ZNF577: variants seen among roughly 807,000 people sequenced by gnomAD.
The protein encoded by ZNF577 is zinc finger protein 577.
In ZNF577, 14 loss-of-function variants were observed where a neutral mutation model predicts 13.9. The ratio of observed to expected loss-of-function variants is 1.00; its 90% CI spans 0.66 to 1.57. The LOEUF is 1.57. Among genes scored for constraint, ZNF577 ranks in the 40% most tolerant of loss-of-function variants. The probability of loss-of-function intolerance (pLI) is 0.00; values close to 1 mark genes in which losing one functional copy is unlikely to be tolerated. For synonymous variants in ZNF577, 203 were observed against 202.9 expected (o/e 1.00, Z 0.00); for missense variants, 555 against 579.2 (o/e 0.96, Z 0.43).
At chr19:51,846,778 C>T (rs2084354992) in intron 5 of ZNF577, among the ~76,000 whole-genome samples, 1 of 152,028 alleles carries the variant, frequency 6.6e-6, no homozygotes, top group African/African-American at 2.4e-5. Context: ...CATCTGCAAA[C>T]CAGAAAAAGA....
intron 5 of ZNF577, among the ~76,000 whole-genome samples, chr19:51,852,028 G>A (rs1430840776): frequency 2.0e-5 from 3 of 152,172 alleles, no homozygotes; most frequent in African/African-American, 7.2e-5. Context: ...CTTCTACAGT[G>A]ACCTGCTGCC....
intron 9 of ZNF577, among the ~76,000 whole-genome samples, chr19:51,813,917 G>A (rs987153142): frequency 5.9e-5 from 9 of 152,102 alleles, no homozygotes; most frequent in Non-Finnish European, 1.2e-4. Context: ...GGCTCTGGAG[G>A]GCCCGTTGAT....
At chr19:51,852,265 T>G (rs1007698519) in intron 5 of ZNF577, among the ~76,000 whole-genome samples, 2 of 152,174 alleles carry the variant, frequency 1.3e-5, no homozygotes, top group African/African-American at 4.8e-5. Flanking sequence ...TGCTGGCCAT[T>G]CTTTTGGGCT....
rs186138649 is a variant in ZNF577 at position 51,869,493 on chromosome 19, C to G, written c.*3039G>C. ...TATAGTCCTGCCACATCCCCCTCTC[C>G]GAGATGGTAGAGATAGTGATCAACA... On this transcript the variant is annotated 3_prime_UTR_variant, in exon 6 of 6. Coordinates refer to ENST00000638348, the MANE Select transcript of ZNF577 (RefSeq NM_001370449.1). Among the ~76,000 whole-genome samples, 2 of 152,138 alleles carry G rather than the reference C, an allele frequency of 1.3e-5. No individual in the cohort carries two copies. Among genetic ancestry groups the G allele is most frequent in the Admixed American group, 6.5e-5 (1 of 15,270 alleles).
intron 9 of ZNF577, among the ~76,000 whole-genome samples, chr19:51,826,863 G>A: frequency 6.6e-6 from 1 of 152,150 alleles, no homozygotes; most frequent in Non-Finnish European, 1.5e-5. Flanking sequence ...CTTGGAGTGA[G>A]GGGGTCACAG....
intron 9 of ZNF577, among the ~76,000 whole-genome samples, chr19:51,839,450 A>G (rs10405314): frequency 0.39 from 59,002 of 151,932 alleles, 11,683 homozygotes; most frequent in South Asian, 0.48. Flanking sequence ...CCATACACAT[A>G]TACCAAGTAT....
chr19:51,824,713 A>C lies in ZNF577; in HGVS notation c.*600-13039T>G. 2 of 1,614,098 alleles carry C rather than the reference A, an allele frequency of 1.2e-6. No individual in the cohort carries two copies. The highest frequency in any genetic ancestry group is 1.7e-6 in the Non-Finnish European group (2 of 1,179,994). On this transcript the variant is annotated intron_variant and NMD_transcript_variant, in intron 9 of 10. Transcript: ENST00000638827. This position sits in a 1 kb window ranked among gnomAD's most constrained non-coding sequence, Gnocchi z 4.7. The stretch of plus-strand genomic sequence containing the variant: ...ATTCGCTCTTTGCCCACTAGTTTGG[A>C]GAGGGCCCTGACTGAGGTCCCTGAC...
At position 51,807,218 on chromosome 19, in the gene ZNF577, G is replaced by T. The variant is rs186830310; in HGVS notation, c.*818-1964C>A. Among the ~76,000 whole-genome samples, 10 of 64,578 alleles carry T rather than the reference G, an allele frequency of 1.5e-4. No individual in the cohort carries two copies. The East Asian group carries it at 1.7e-3, about 11-fold the overall frequency. The allele number at this position is 64,578 out of a possible 152,430, so 42.4% of individuals were successfully genotyped here. A position where few individuals can be genotyped will look rare whatever the true frequency, so the allele number is the denominator to read the frequency against. Reference sequence around the variant, plus strand: ...CAGGCAAAAGAGATAGCAGGAAGTGGGGGGGGTGGTTGCTGGCTAGCAGCC... The same window carrying T: ...CAGGCAAAAGAGATAGCAGGAAGTGTGGGGGGTGGTTGCTGGCTAGCAGCC... On this transcript the variant is annotated intron_variant and NMD_transcript_variant, in intron 10 of 10. Transcript: ENST00000638827.
At chr19:51,880,558 T>C in intron 2 of ZNF577, 121 bp downstream of exon 2, 1 of 652,860 alleles carries the variant, frequency 1.5e-6, no homozygotes, top group Non-Finnish European at 2.6e-6. Flanking sequence ...AACTTAAACT[T>C]ATTTTCCCAC....
intron 5 of ZNF577, among the ~76,000 whole-genome samples, chr19:51,857,365 GGAAAGAAAGAAAGAAA>G (rs369768303): frequency 0.011 from 1,048 of 93,334 alleles, 9 homozygotes; most frequent in East Asian, 0.015. Flanking sequence ...AAAGAAGGAA[GGAAAGAAAGAAAGAAA>G]GAAAGAAAGA....
At chr19:51,837,162 A>C (rs2084292378) in intron 9 of ZNF577, among the ~76,000 whole-genome samples, 1 of 152,162 alleles carries the variant, frequency 6.6e-6, no homozygotes. Flanking sequence ...TTGTAAAATG[A>C]AGGTGTGTTC....
intron 9 of ZNF577, among the ~76,000 whole-genome samples, chr19:51,837,592 G>C (rs1417626634): frequency 1.3e-5 from 2 of 152,166 alleles, no homozygotes; most frequent in Non-Finnish European, 2.9e-5. Context: ...ATTATGCTAA[G>C]TGCACAAAGT....
At chr19:51,830,327 G>A (rs1041016760) in intron 9 of ZNF577, among the ~76,000 whole-genome samples, 1 of 152,036 alleles carries the variant, frequency 6.6e-6, no homozygotes, top group Non-Finnish European at 1.5e-5. Flanking sequence ...TGTACCACAC[G>A]CGTCCTCCTG....
At chr19:51,852,520 T>C (rs2084383938) in intron 5 of ZNF577, among the ~76,000 whole-genome samples, 1 of 152,136 alleles carries the variant, frequency 6.6e-6, no homozygotes, top group African/African-American at 2.4e-5. Context: ...TTTGGAGGAA[T>C]TTTGAGGTTT....
chr19:51,805,969 G>A lies in ZNF577; in HGVS notation c.*818-715C>T, dbSNP rs532818778. On this transcript the variant is annotated intron_variant and NMD_transcript_variant, in intron 10 of 10. Transcript: ENST00000638827. The stretch of plus-strand genomic sequence containing the variant: ...ATCAAAGTCGAGATATTATGTGTTC[G>A]CAATGTGCTATGATTAATGCAGTGA... Among the ~76,000 whole-genome samples, 137 of 152,234 alleles carry A rather than the reference G, an allele frequency of 9.0e-4. 2 individuals carry two copies. Among genetic ancestry groups the A allele is most frequent in the Admixed American group, 2.8e-3 (43 of 15,296 alleles).
Position 51,858,396 on chromosome 19 carries a change from A to T in ZNF577, c.284-13465T>A, listed in dbSNP as rs142064196. Reference sequence around the variant, plus strand: ...AGGGTAGGGAGTCCCTCCCTCATGCACCAGGGTGAATAGGAGGTTGTCAGA... The same window carrying T: ...AGGGTAGGGAGTCCCTCCCTCATGCTCCAGGGTGAATAGGAGGTTGTCAGA... On this transcript the variant is annotated intron_variant and NMD_transcript_variant, in intron 5 of 10. Transcript: ENST00000638827. Among the ~76,000 whole-genome samples the T allele has an allele frequency of 2.5e-3, 387 of 152,302 alleles. 4 individuals are homozygous for T. Among genetic ancestry groups the T allele is most frequent in the African/African-American group, 8.5e-3 (355 of 41,564 alleles).
intron 5 of ZNF577, among the ~76,000 whole-genome samples, chr19:51,876,036 A>C (rs1454151911): frequency 6.6e-6 from 1 of 152,234 alleles, no homozygotes; most frequent in East Asian, 1.9e-4. Flanking sequence ...CAGGGAGGGA[A>C]AGGATTTTCC....
chr19:51,827,903 C>A (rs1417133386), intron 9 of ZNF577, among the ~76,000 whole-genome samples: 2 of 152,040 alleles, frequency 1.3e-5, no homozygotes, highest in Admixed American at 1.3e-4. Flanking sequence ...TCACTCACCC[C>A]ACTGCTTTAC....
At chr19:51,811,541 C>T (rs966598741) in exon 10 of ZNF577, 1 of 152,166 alleles carries the variant, frequency 6.6e-6, no homozygotes, top group African/African-American at 2.4e-5. Context: ...TTCCTCTATT[C>T]CAGGAGATCT....
Sources: gnomAD v4.1 joint callset for allele counts (sites outside exome capture counted in the v4.1 genomes callset) on GRCh38, gnomAD v4.1.1 for gene constraint, Gnocchi (gnomAD v3.1) non-coding constraint, MANE v1.5 for transcripts, NCBI Gene and HGNC (gene_info 2026-07-23, HGNC 2026-07-21) for gene names.